EYS: variants seen among roughly 807,000 people sequenced by gnomAD.
EYS encodes the protein protein eyes shut homolog.
EYS carries 250 observed loss-of-function variants against 282.1 expected under a neutral mutation model. The ratio of observed to expected loss-of-function variants is 0.89; its 90% CI spans 0.80 to 0.98. EYS has a LOEUF of 0.98. EYS is among the 50% of genes least tolerant of loss of function. EYS has a pLI of 0.00. For synonymous variants in EYS, 1,355 were observed against 1,282.9 expected, an observed-to-expected ratio of 1.06 and a Z score of -1.20; for missense variants, 4,016 against 3,709.0, an observed-to-expected ratio of 1.08 and a Z score of -2.15.
At chr6:64,432,191 T>C (rs928087668) in intron 28 of EYS, among the ~76,000 whole-genome samples, 13 of 152,084 alleles carry the variant, frequency 8.5e-5, no homozygotes, top group African/African-American at 2.9e-4. Flanking sequence ...CAATAAATTC[T>C]CCAGGAGACA....
chr6:65,538,782 A>G (rs961054491), intron 2 of EYS, among the ~76,000 whole-genome samples: 9 of 152,120 alleles, frequency 5.9e-5, no homozygotes, highest in African/African-American at 1.9e-4. Flanking sequence ...CCATACCATA[A>G]TAAGCCTTAC....
At chr6:65,588,037 A>T in intron 2 of EYS, among the ~76,000 whole-genome samples, 1 of 152,226 alleles carries the variant, frequency 6.6e-6, no homozygotes, top group African/African-American at 2.4e-5. Context: ...TTGAGGAAAT[A>T]GTATTAAGAT....
intron 12 of EYS, among the ~76,000 whole-genome samples, chr6:65,065,866 C>G (rs999965653): frequency 6.6e-6 from 1 of 152,158 alleles, no homozygotes; most frequent in South Asian, 2.1e-4. Flanking sequence ...CACTTACTAC[C>G]TTATGGTTTT....
intron 41 of EYS, among the ~76,000 whole-genome samples, chr6:63,741,033 A>T (rs1347754442): frequency 6.6e-6 from 1 of 152,202 alleles, no homozygotes; most frequent in Non-Finnish European, 1.5e-5. Context: ...TAGGTTAATT[A>T]AGAATAAAAC....
intron 30 of EYS, among the ~76,000 whole-genome samples, chr6:64,265,182 T>C (rs369042543): frequency 3.9e-5 from 6 of 152,152 alleles, no homozygotes; most frequent in Non-Finnish European, 7.4e-5. Context: ...ATGTCAAAGA[T>C]TGATAACAGT....
At chr6:65,529,153 G>A (rs1173674553) in intron 2 of EYS, among the ~76,000 whole-genome samples, 7 of 151,842 alleles carry the variant, frequency 4.6e-5, no homozygotes, top group Non-Finnish European at 1.0e-4. Flanking sequence ...AAAAAAAATA[G>A]TATGGGATCT....
chr6:63,947,172 A>G (rs760470535), intron 35 of EYS, among the ~76,000 whole-genome samples: 7 of 152,076 alleles, frequency 4.6e-5, no homozygotes, highest in Admixed American at 2.0e-4. Context: ...TAACATTTGT[A>G]TATTTTGGTA....
intron 22 of EYS, among the ~76,000 whole-genome samples, chr6:64,692,388 T>A (rs75942338): frequency 0.011 from 1,667 of 152,242 alleles, 23 homozygotes; most frequent in African/African-American, 0.038. Flanking sequence ...GATGGATAGT[T>A]TGTGAACATC....
chr6:63,893,931 C>A (rs1375003567), intron 35 of EYS, among the ~76,000 whole-genome samples: 1 of 152,120 alleles, frequency 6.6e-6, no homozygotes, highest in South Asian at 2.1e-4. Context: ...TCCTGGAGAT[C>A]TTTAAAAAGT....
At chr6:64,858,322 A>G (rs1446595532) in intron 19 of EYS, among the ~76,000 whole-genome samples, 1 of 152,156 alleles carries the variant, frequency 6.6e-6, no homozygotes, top group Non-Finnish European at 1.5e-5. Context: ...CTGGATAGCC[A>G]GTTTTTCCAG....
At chr6:64,464,290 G>A (rs1775848805) in intron 26 of EYS, among the ~76,000 whole-genome samples, 1 of 152,080 alleles carries the variant, frequency 6.6e-6, no homozygotes, top group East Asian at 1.9e-4. Flanking sequence ...CGTATAGAAG[G>A]AATGCATCTC....
chr6:64,581,051 C>T (rs1176075302), intron 26 of EYS, among the ~76,000 whole-genome samples: 3 of 151,760 alleles, frequency 2.0e-5, no homozygotes, highest in Non-Finnish European at 4.4e-5. Flanking sequence ...AGGTGAAACA[C>T]AATAAATAGT....
chr6:64,632,828 T>C (rs983382106), intron 22 of EYS, among the ~76,000 whole-genome samples: 1 of 152,142 alleles, frequency 6.6e-6, no homozygotes, highest in South Asian at 2.1e-4. Flanking sequence ...CTGCTTCTCA[T>C]TTCAGTATTT....
chr6:63,831,758 T>A (rs565136090), intron 36 of EYS, among the ~76,000 whole-genome samples: 1 of 152,304 alleles, frequency 6.6e-6, no homozygotes, highest in African/African-American at 2.4e-5. Context: ...ATCAACAGAA[T>A]ATACATTCTT....
At position 63,975,685 on chromosome 6, in the gene EYS, T is replaced by A. The variant is rs529796065; in HGVS notation, c.7055+8698A>T. ...TTCTGGTAATGCAAAAAGTGTCTGG[T>A]GTTCAGAAAAGATTCAAAACTTAGT... On this transcript the variant is annotated intron_variant, in intron 35 of 42. Transcript: ENST00000503581. 7.8e-4 allele frequency among the ~76,000 whole-genome samples: 119 copies of A among 152,184 alleles called. 1 individual carries two copies. The highest frequency in any genetic ancestry group is 2.8e-3 in the African/African-American group (117 of 41,570).
intron 12 of EYS, among the ~76,000 whole-genome samples, chr6:65,218,990 T>C (rs921130307): frequency 2.0e-5 from 3 of 152,034 alleles, no homozygotes; most frequent in African/African-American, 7.2e-5. Context: ...TTCAGAATGC[T>C]AATGAGAGGT....
intron 26 of EYS, among the ~76,000 whole-genome samples, chr6:64,466,206 T>C (rs140635546): frequency 2.0e-5 from 3 of 151,786 alleles, no homozygotes; most frequent in African/African-American, 7.3e-5. Flanking sequence ...CTCAAGAAAA[T>C]AAAAAATAGC....
At chr6:65,535,451 C>T (rs2127314004) in intron 2 of EYS, among the ~76,000 whole-genome samples, 1 of 152,170 alleles carries the variant, frequency 6.6e-6, no homozygotes, top group South Asian at 2.1e-4. Flanking sequence ...GCCCTCTTGC[C>T]TGCTGCCATG....
At chr6:65,547,993 G>T (rs1218075602) in intron 2 of EYS, among the ~76,000 whole-genome samples, 6 of 152,130 alleles carry the variant, frequency 3.9e-5, no homozygotes, top group African/African-American at 1.4e-4. Flanking sequence ...TGGCTGAGCT[G>T]TTTTCTCCAC....
Sources: gnomAD v4.1 joint callset for allele counts (sites outside exome capture counted in the v4.1 genomes callset) on GRCh38, gnomAD v4.1.1 for gene constraint, MANE v1.5 for transcripts, NCBI Gene and HGNC (gene_info 2026-07-23, HGNC 2026-07-21) for gene names.